Variants in DLGAP2 observed in about 807,000 individuals in gnomAD.
DLGAP2 encodes DLG associated protein 2.
Under a neutral mutation model 100.3 loss-of-function variants are expected in DLGAP2, and 26 were observed. The ratio of observed to expected loss-of-function variants is 0.26; its 90% CI spans 0.19 to 0.36. DLGAP2 has a LOEUF of 0.36. DLGAP2 is among the 10% of genes least tolerant of loss of function. The pLI, the probability that DLGAP2 is intolerant of heterozygous loss-of-function variation, is 1.00. For missense variants in DLGAP2, 1,858 were observed against 1,453.2 expected, an observed-to-expected ratio of 1.28 and a Z score of -4.53; for synonymous variants, 886 against 630.1, an observed-to-expected ratio of 1.41 and a Z score of -6.08.
At chr8:1,147,285 A>G (rs1281026207) in intron 2 of DLGAP2, among the ~76,000 whole-genome samples, 1 of 150,926 alleles carries the variant, frequency 6.6e-6, no homozygotes, top group Non-Finnish European at 1.5e-5. Context: ...TGTAAAAATG[A>G]AACTCTGTAA....
At chr8:796,563 T>A (rs1796041174) in intron 1 of DLGAP2, among the ~76,000 whole-genome samples, 1 of 152,210 alleles carries the variant, frequency 6.6e-6, no homozygotes, top group African/African-American at 2.4e-5. Flanking sequence ...AGGTGCTTAC[T>A]GGCCTTCCTT....
intron 2 of DLGAP2, among the ~76,000 whole-genome samples, chr8:1,205,703 G>A (rs78882099): frequency 0.03 from 4,587 of 152,218 alleles, 248 homozygotes; most frequent in African/African-American, 0.1. Flanking sequence ...ACTGGGATTC[G>A]GACAGGTTCT....
chr8:1,052,067 C>G (rs1234272303), intron 2 of DLGAP2, among the ~76,000 whole-genome samples: 2 of 152,190 alleles, frequency 1.3e-5, no homozygotes, highest in African/African-American at 4.8e-5. Context: ...CCAGCACGCG[C>G]CTGCCAACTG....
intron 2 of DLGAP2, among the ~76,000 whole-genome samples, chr8:943,534 G>C (rs184950264): frequency 2.6e-5 from 4 of 152,338 alleles, no homozygotes; most frequent in African/African-American, 9.6e-5. Context: ...ATCATGTGGA[G>C]GAGGTGGCGT....
At chr8:777,619 T>G (rs954745125) in intron 1 of DLGAP2, among the ~76,000 whole-genome samples, 6 of 152,198 alleles carry the variant, frequency 3.9e-5, no homozygotes, top group African/African-American at 1.4e-4. Flanking sequence ...AAGCTTAGTT[T>G]GGCTGGATAT....
intron 8 of DLGAP2, 121 bp downstream of exon 8, chr8:1,633,167 C>A: frequency 2.2e-6 from 2 of 902,844 alleles, no homozygotes; most frequent in Non-Finnish European, 3.4e-6. Context: ...CATCTAGTAA[C>A]GTTTCCTAAT....
chr8:1,455,431 G>T (rs961920254), intron 3 of DLGAP2, among the ~76,000 whole-genome samples: 1 of 152,230 alleles, frequency 6.6e-6, no homozygotes, highest in Non-Finnish European at 1.5e-5. Flanking sequence ...GGACTCAGCT[G>T]TCGGGGAGAG....
At chr8:1,028,004 A>T (rs9693701) in intron 2 of DLGAP2, among the ~76,000 whole-genome samples, 116,361 of 129,976 alleles carry the variant, frequency 0.9, 52,016 homozygotes, top group Non-Finnish European at 0.91. Context: ...ATTCTCCAGG[A>T]GCAGTGCCAG....
intron 1 of DLGAP2, among the ~76,000 whole-genome samples, chr8:862,459 C>T (rs1585945685): frequency 6.6e-6 from 1 of 152,118 alleles, no homozygotes; most frequent in South Asian, 2.1e-4. Context: ...CCCACCACCT[C>T]GCCTGGCTAA....
intron 1 of DLGAP2, among the ~76,000 whole-genome samples, chr8:800,696 GCA>G (rs1481553146): frequency 3.9e-5 from 6 of 152,190 alleles, no homozygotes; most frequent in Non-Finnish European, 8.8e-5. Flanking sequence ...GTGCATGTGT[GCA>G]TGTGTGTGTC....
intron 3 of DLGAP2, among the ~76,000 whole-genome samples, chr8:1,287,787 GTA>G (rs1799974184): frequency 0.011 from 1,212 of 109,434 alleles, 204 homozygotes; most frequent in African/African-American, 0.036. Flanking sequence ...GTGTCTGTGT[GTA>G]TGTGTGTGTG....
At chr8:1,680,665 C>T (rs1798923257) in intron 12 of DLGAP2, 1 of 152,248 alleles carries the variant, frequency 6.6e-6, no homozygotes, top group Admixed American at 6.5e-5. Flanking sequence ...CGATCGTTCA[C>T]ACGGCGTTTG....
intron 2 of DLGAP2, among the ~76,000 whole-genome samples, chr8:963,988 C>T (rs1460090406): frequency 1.3e-5 from 2 of 151,996 alleles, no homozygotes; most frequent in African/African-American, 4.8e-5. Flanking sequence ...TTAGTCGACC[C>T]AAATGTGTAT....
At chr8:1,360,026 C>T (rs960554391) in intron 3 of DLGAP2, among the ~76,000 whole-genome samples, 20 of 152,278 alleles carry the variant, frequency 1.3e-4, no homozygotes, top group Non-Finnish European at 2.2e-4. Context: ...CAAAGAAGAA[C>T]AGGACCATCG....
rs959517289 is a variant in DLGAP2, at chr8:1,668,372, C to G, written c.1854C>G (p.Pro618=). Residue 618 remains proline, a synonymous_variant, in exon 9 of 15, where the codon CCC becomes CCG. Coordinates refer to ENST00000637795, the MANE Select transcript of DLGAP2 (RefSeq NM_001346810.2). ...TNYKKTPPPV[P]PRTTSKPLIS... is the part of the protein sequence containing the mutation. ...ACAAGAAAACGCCCCCACCGGTGCC[C>G]CCTCGGACCACCTCCAAGCCTCTGA... The G allele has an allele frequency of 2.5e-6, 4 of 1,579,164 alleles. No individual in the cohort carries two copies. Among genetic ancestry groups the G allele is most frequent in the Non-Finnish European group, 3.4e-6 (4 of 1,163,556 alleles).
intron 1 of DLGAP2, among the ~76,000 whole-genome samples, chr8:856,080 TG>T (rs1797270509): frequency 6.6e-6 from 1 of 151,834 alleles, no homozygotes; most frequent in Non-Finnish European, 1.5e-5. Context: ...ATAAAAGATA[TG>T]CATATTGGGA....
At chr8:1,524,354 C>G (rs2130430888) in intron 4 of DLGAP2, among the ~76,000 whole-genome samples, 1 of 152,208 alleles carries the variant, frequency 6.6e-6, no homozygotes, top group East Asian at 1.9e-4. Context: ...CCTGGCTACC[C>G]CCAGCTGTGC....
intron 3 of DLGAP2, among the ~76,000 whole-genome samples, chr8:1,327,456 G>A (rs903195509): frequency 4.6e-5 from 7 of 152,166 alleles, no homozygotes; most frequent in African/African-American, 1.4e-4. Flanking sequence ...GTGACTTCTC[G>A]TCATTTAGTT....
At chr8:739,158 G>C (rs150795166) in intron 1 of DLGAP2, 1 of 152,384 alleles carries the variant, frequency 6.6e-6, no homozygotes, top group African/African-American at 2.4e-5. Flanking sequence ...GCTGTGGGGG[G>C]TTTGGGAACT....
Sources: gnomAD v4.1 joint callset for allele counts (sites outside exome capture counted in the v4.1 genomes callset) on GRCh38, gnomAD v4.1.1 for gene constraint, MANE v1.5 for transcripts, NCBI Gene and HGNC (gene_info 2026-07-23, HGNC 2026-07-21) for gene names.